The following LMO4 variants were observed in gnomAD, a reference collection of about 807,000 sequenced individuals.
LMO4 encodes the protein LIM domain transcription factor LMO4.
Under a neutral mutation model 18.5 loss-of-function variants are expected in LMO4, and 3 were observed. That is an observed-to-expected ratio of 0.16 (90% confidence interval 0.07 to 0.42). The LOEUF (loss-of-function observed/expected upper bound fraction) is 0.42, where lower values mean the gene tolerates loss of function less well. Ranked by LOEUF, LMO4 falls within the 10% of genes least tolerant of loss-of-function variation. LMO4 has a pLI of 0.99. For missense variants in LMO4, 121 were observed against 219.9 expected, an observed-to-expected ratio of 0.55 and a Z score of 2.84; for synonymous variants, 100 against 88.1, an observed-to-expected ratio of 1.14 and a Z score of -0.76.
intron 4 of LMO4, among the ~76,000 whole-genome samples, chr1:87,343,642 A>G (rs1206976632): frequency 1.3e-5 from 2 of 152,332 alleles, no homozygotes; most frequent in South Asian, 2.1e-4. Flanking sequence ...CCATAGTTAC[A>G]TAATTGGTGT....
chr1:87,342,669 G>C (rs3766022), intron 4 of LMO4, among the ~76,000 whole-genome samples: 3 of 152,060 alleles, frequency 2.0e-5, no homozygotes, highest in Admixed American at 1.3e-4. Context: ...CCCTGTTGGC[G>C]TAAGTGTCTC....
At chr1:87,344,766 T>G in intron 4 of LMO4, 22 bp from the exon 5 acceptor site, 1 of 1,613,632 alleles carries the variant, frequency 6.2e-7, no homozygotes, top group Non-Finnish European at 8.5e-7. Flanking sequence ...TTAGCTAAGA[T>G]GCCCGTTTTT....
chr1:87,342,256 G>A (rs1321938336), intron 4 of LMO4, among the ~76,000 whole-genome samples: 1 of 152,134 alleles, frequency 6.6e-6, no homozygotes, highest in African/African-American at 2.4e-5. Context: ...TGTTAGGTAG[G>A]GACCAAGTAT....
chr1:87,338,395 T>C (rs539351506), intron 2 of LMO4, among the ~76,000 whole-genome samples: 2 of 152,334 alleles, frequency 1.3e-5, no homozygotes, highest in East Asian at 3.9e-4. Flanking sequence ...TCTTACTTTG[T>C]TTTTCGTTTT....
chr1:87,336,473 G>A (rs546504886), intron 2 of LMO4, among the ~76,000 whole-genome samples: 1 of 152,294 alleles, frequency 6.6e-6, no homozygotes, highest in South Asian at 2.1e-4. Flanking sequence ...AAGATGCTAA[G>A]CATTGATAGT....
intron 4 of LMO4, 119 bp downstream of exon 4, chr1:87,340,321 G>T: frequency 1.2e-6 from 1 of 859,792 alleles, no homozygotes; most frequent in Non-Finnish European, 1.8e-6. Flanking sequence ...TTAAAGAAAT[G>T]TAGATTACTA....
At chr1:87,335,861 CTA>C (rs988068601) in intron 2 of LMO4, among the ~76,000 whole-genome samples, 18 of 144,164 alleles carry the variant, frequency 1.2e-4, no homozygotes, top group Non-Finnish European at 2.5e-4. Flanking sequence ...AGCATGTGAA[CTA>C]TTAGCTAGAA....
chr1:87,329,525 T>A (rs1297001914), intron 1 of LMO4, among the ~76,000 whole-genome samples: 1 of 150,608 alleles, frequency 6.6e-6, no homozygotes, highest in Admixed American at 6.6e-5. Context: ...GGGGTGGGGA[T>A]ATTTCTAGTT....
At chr1:87,331,773 A>G (rs1650155900) in intron 1 of LMO4, 1 of 523,812 alleles carries the variant, frequency 1.9e-6, no homozygotes, top group East Asian at 3.1e-5. Context: ...AGCGCAGGAA[A>G]GTTGAGAGGA....
chr1:87,343,438 G>C (rs557396354), intron 4 of LMO4, among the ~76,000 whole-genome samples: 1 of 152,288 alleles, frequency 6.6e-6, no homozygotes, highest in Admixed American at 6.5e-5. Context: ...TGTAAATCAG[G>C]AATTGTGGCT....
chr1:87,335,433 A>G (rs1055100992), intron 2 of LMO4, among the ~76,000 whole-genome samples: 2 of 151,760 alleles, frequency 1.3e-5, no homozygotes, highest in African/African-American at 4.8e-5. Flanking sequence ...CAGAGCGCCC[A>G]GCCGGCGGGC....
At chr1:87,341,445 T>A (rs986893625) in intron 4 of LMO4, among the ~76,000 whole-genome samples, 8 of 151,952 alleles carry the variant, frequency 5.3e-5, no homozygotes, top group African/African-American at 1.9e-4. Context: ...GTTGTAAGGA[T>A]CACAAAAAAA....
intron 2 of LMO4, among the ~76,000 whole-genome samples, chr1:87,337,782 T>C (rs1650353943): frequency 6.6e-6 from 1 of 152,194 alleles, no homozygotes; most frequent in Admixed American, 6.5e-5. Flanking sequence ...GCGGCAGTGG[T>C]ACTGCAGGTG....
intron 4 of LMO4, among the ~76,000 whole-genome samples, chr1:87,343,952 A>T (rs1414579884): frequency 2.0e-5 from 3 of 152,154 alleles, no homozygotes; most frequent in Non-Finnish European, 4.4e-5. Context: ...TTGCAAACAG[A>T]TTGTATTTGA....
Position 87,345,153 on chromosome 1 carries a change from C to T in LMO4, c.*357C>T. Reference sequence around the variant, plus strand: ...GCTTTCTACCCTCATTAACAATTAGCAGGGCACTGGCCAGAGTTTGTACCC... The same window carrying T: ...GCTTTCTACCCTCATTAACAATTAGTAGGGCACTGGCCAGAGTTTGTACCC... On this transcript the variant is annotated 3_prime_UTR_variant, in exon 5 of 5. Coordinates refer to ENST00000370544, the MANE Select transcript of LMO4 (RefSeq NM_006769.4). 4.1e-6 allele frequency: 1 copy of T among 241,006 alleles called. No homozygotes were observed. Among genetic ancestry groups the T allele is most frequent in the Non-Finnish European group, 7.9e-6 (1 of 125,806 alleles). 14.9% of individuals were successfully genotyped at this position (241,006 alleles called of 1,614,324 possible). A position where few individuals can be genotyped will look rare whatever the true frequency, so the allele number is the denominator to read the frequency against.
rs1326816174 is a variant in LMO4, at chr1:87,344,832, C to A, written c.*36C>A. The A allele has an allele frequency of 6.2e-7, 1 of 1,611,520 alleles. No homozygotes were observed. Among genetic ancestry groups the A allele is most frequent in the Non-Finnish European group, 8.5e-7 (1 of 1,177,834 alleles). On this transcript the variant is annotated 3_prime_UTR_variant, in exon 5 of 5. Transcript: ENST00000370544. ...TAATGCAGAATGCGTGCCTTCATCT[C>A]AGATTTGTTCATCACAGGTGGATCC...
chr1:87,344,133 G>A (rs1055923539), intron 4 of LMO4, among the ~76,000 whole-genome samples: 1 of 152,122 alleles, frequency 6.6e-6, no homozygotes, highest in Non-Finnish European at 1.5e-5. Flanking sequence ...GTGAATATTT[G>A]TACATAGAAA....
At chr1:87,336,317 T>A (rs1650311825) in intron 2 of LMO4, among the ~76,000 whole-genome samples, 1 of 152,212 alleles carries the variant, frequency 6.6e-6, no homozygotes, top group Admixed American at 6.5e-5. Flanking sequence ...TATATACCTT[T>A]CAGCCACACT....
At position 87,345,950 on chromosome 1, in the gene LMO4, A is replaced by AT. The variant is rs1425368440; in HGVS notation, c.*1155dup. ...CCTTGGGTATTGATGAAAAGTATGT[A>AT]TAAAAAAAAATACGGCACAACCATC... On this transcript the variant is annotated 3_prime_UTR_variant, in exon 5 of 5. Transcript: ENST00000370544. The AT allele has an allele frequency of 6.6e-6, 1 of 152,204 alleles. No individual in the cohort carries two copies. Among genetic ancestry groups the AT allele is most frequent in the Non-Finnish European group, 1.5e-5 (1 of 68,038 alleles). The allele number at this position is 152,204 out of a possible 1,614,324, so 9.4% of individuals were successfully genotyped here. A position where few individuals can be genotyped will look rare whatever the true frequency, so the allele number is the denominator to read the frequency against.
Sources: allele counts gnomAD v4.1 joint callset (sites outside exome capture counted in the v4.1 genomes callset), GRCh38; gene constraint gnomAD v4.1.1; transcripts MANE v1.5; gene names NCBI Gene and HGNC (gene_info 2026-07-23, HGNC 2026-07-21).